The following CENPE variants were observed in gnomAD, a reference collection of about 807,000 sequenced individuals.
CENPE encodes centromere protein E, also known as centromere-associated protein E.
In CENPE, 145 loss-of-function variants were observed where a neutral mutation model predicts 336.1. That is an observed-to-expected ratio of 0.43 (90% CI 0.38 to 0.50). CENPE has a LOEUF of 0.50. Among genes scored for constraint, CENPE ranks in the 20% least tolerant of loss-of-function variants. The probability of loss-of-function intolerance (pLI) is 0.00; values close to 1 mark genes in which losing one functional copy is unlikely to be tolerated. For missense variants in CENPE, 2,719 were observed against 3,023.3 expected (o/e 0.90, Z 2.36); for synonymous variants, 1,013 against 984.8 (o/e 1.03, Z -0.54).
chr4:103,163,443 T>G, intron 17 of CENPE, 36 bp downstream of exon 17: 1 of 1,431,596 alleles, frequency 7.0e-7, no homozygotes, highest in Non-Finnish European at 9.8e-7. Context: ...ATAGTTCTAA[T>G]TGCTTATCAA....
rs759814291 is a variant in CENPE, at chr4:103,183,256, G to T, written c.778C>A (p.Arg260=). ...ACTTGTCCCAAAATAAATAAGCTTC[G>T]ATTTATATTACAGCCTTCCTTGAGC... ...VRLKEGCNIN[R]SLFILGQVIK... Residue 260 remains arginine (R), a synonymous_variant, in exon 10 of 49, where the codon CGA becomes AGA. Transcript: ENST00000265148. 1 of 1,612,606 alleles carries T rather than the reference G, an allele frequency of 6.2e-7. No homozygotes were observed. Among genetic ancestry groups the T allele is most frequent in the East Asian group, 2.2e-5 (1 of 44,748 alleles).
At chr4:103,161,697 T>C (rs552950356) in intron 18 of CENPE, among the ~76,000 whole-genome samples, 7 of 152,300 alleles carry the variant, frequency 4.6e-5, no homozygotes, top group African/African-American at 1.7e-4. Context: ...TATCATAATT[T>C]AGATCTGTTT....
At chr4:103,131,571 T>A (rs1024676553) in intron 42 of CENPE, among the ~76,000 whole-genome samples, 2 of 152,254 alleles carry the variant, frequency 1.3e-5, no homozygotes, top group Admixed American at 6.5e-5. Flanking sequence ...AAACAAACTT[T>A]TACTGTATGA....
At position 103,151,260 on chromosome 4, in the gene CENPE, A is replaced by T. The variant is rs1753528224; in HGVS notation, c.3355T>A (p.Cys1119Ser). ...IKKEGELSRT[C>S]DRLAEVEEKL... ...TCTTCAACTTCTGCCAGTCTGTCAC[A>T]GGTCCTAGAAAGCTCTCCTTCTTTC... Residue 1119 changes from cysteine to serine, a missense_variant, in exon 26 of 49, where the codon TGT becomes AGT. Around this residue, in one of 5 missense-constraint regions of CENPE, gnomAD observed 2,437 missense variants for 2,513.3 expected, o/e 0.97. Transcript: ENST00000265148. 1 of 1,603,680 alleles carries T rather than the reference A, an allele frequency of 6.2e-7. No individual in the cohort carries two copies. Among genetic ancestry groups the T allele is most frequent in the African/African-American group, 1.3e-5 (1 of 74,132 alleles).
chr4:103,146,533 A>T (rs1250308663), intron 29 of CENPE, among the ~76,000 whole-genome samples: 1 of 152,152 alleles, frequency 6.6e-6, no homozygotes, highest in African/African-American at 2.4e-5. Context: ...TAGTTAGGCA[A>T]AAAGGAGTAT....
intron 4 of CENPE, 86 bp downstream of exon 4, chr4:103,195,834 T>C (rs946919621): frequency 4.8e-6 from 4 of 826,768 alleles, no homozygotes; most frequent in African/African-American, 3.4e-5. Flanking sequence ...CTTCCTTTCA[T>C]CTTTACAAGA....
chr4:103,195,724 G>T (rs1757684007), intron 4 of CENPE, among the ~76,000 whole-genome samples, 196 bp downstream of exon 4: 1 of 152,060 alleles, frequency 6.6e-6, no homozygotes, highest in Non-Finnish European at 1.5e-5. Flanking sequence ...AAGAATAAAA[G>T]AACTTTAAGC....
intron 42 of CENPE, among the ~76,000 whole-genome samples, chr4:103,129,018 G>A (rs768442732): frequency 2.6e-5 from 4 of 152,062 alleles, no homozygotes; most frequent in Non-Finnish European, 4.4e-5. Context: ...ATCAGAAATG[G>A]ATGACAGGAC....
Position 103,148,665 on chromosome 4 carries a change from C to T in CENPE, c.3843+179G>A, listed in dbSNP as rs62327334. Among the ~76,000 whole-genome samples, 6,167 of 152,240 alleles carry T rather than the reference C, an allele frequency of 0.041. 160 individuals are homozygous for T. Among genetic ancestry groups the T allele is most frequent in the Non-Finnish European group, 0.059 (4,033 of 68,004 alleles). On this transcript the variant is annotated intron_variant, in intron 28 of 48. Transcript: ENST00000265148. ...ATCAGAGGGATTTTAGGGGTTTTGT[C>T]CACCTTGTTCTCATTGCATTTCTAT... is the stretch of plus-strand genomic sequence containing the variant.
intron 8 of CENPE, among the ~76,000 whole-genome samples, chr4:103,187,893 G>A (rs1194155680): frequency 3.3e-5 from 5 of 152,074 alleles, no homozygotes; most frequent in Non-Finnish European, 7.4e-5. Context: ...CTGTATTCAG[G>A]AAACCCATCT....
At chr4:103,110,757 G>T in intron 47 of CENPE, 71 bp downstream of exon 47, 1 of 1,190,358 alleles carries the variant, frequency 8.4e-7, no homozygotes, top group South Asian at 1.7e-5. Flanking sequence ...AAAAATACGT[G>T]CATATACCAT....
At chr4:103,183,178 A>C in intron 10 of CENPE, 23 bp downstream of exon 10, 2 of 1,541,568 alleles carry the variant, frequency 1.3e-6, no homozygotes, top group Admixed American at 3.5e-5. Context: ...TCAGTAGGTA[A>C]GTGCACAACG....
intron 20 of CENPE, 99 bp from the exon 21 acceptor site, chr4:103,160,878 G>T: frequency 8.8e-7 from 1 of 1,140,282 alleles, no homozygotes; most frequent in Non-Finnish European, 1.2e-6. Flanking sequence ...ATCAGGTAAA[G>T]TTTATTTGAA....
intron 44 of CENPE, among the ~76,000 whole-genome samples, chr4:103,117,877 C>T (rs2125857267): frequency 6.6e-6 from 1 of 152,276 alleles, no homozygotes; most frequent in African/African-American, 2.4e-5. Flanking sequence ...ATCCGCCCGC[C>T]TCAGCCTCCC....
In CENPE at chr4:103,182,663, G is replaced by A. The variant is rs1016217197; in HGVS notation, c.963+99C>T. ...AGACAACATATCGATTATAACAGGCGAGTTAATTAAAAAAAACTATGCTTA... is the reference window on the plus strand; with the variant it reads ...AGACAACATATCGATTATAACAGGCAAGTTAATTAAAAAAAACTATGCTTA... On this transcript the variant is annotated intron_variant, in intron 11 of 48. Coordinates refer to ENST00000265148, the MANE Select transcript of CENPE (RefSeq NM_001813.3). The A allele has an allele frequency of 1.5e-5, 14 of 948,056 alleles. No individual in the cohort carries two copies. The Admixed American group carries it at 1.6e-4, about 11-fold the overall frequency. 58.7% of individuals were successfully genotyped at this position (948,056 alleles called of 1,614,324 possible).
At chr4:103,149,554 C>CCACCCAAA in intron 26 of CENPE, 146 bp from the exon 27 acceptor site, 1 of 719,388 alleles carries the variant, frequency 1.4e-6, no homozygotes, top group East Asian at 2.8e-5. Flanking sequence ...TAAATGTCTG[C>CCACCCAAA]AGTGGTTTGA....
chr4:103,132,601 G>T (rs2125897097), intron 42 of CENPE, 92 bp downstream of exon 42: 2 of 542,226 alleles, frequency 3.7e-6, no homozygotes, highest in East Asian at 3.2e-5. Context: ...TACAAATAAA[G>T]AAAATATACA....
chr4:103,197,974 A>T (rs1475939506), intron 1 of CENPE, among the ~76,000 whole-genome samples: 1 of 152,208 alleles, frequency 6.6e-6, no homozygotes, highest in Non-Finnish European at 1.5e-5. Context: ...CTAGGCGGGG[A>T]ATGGGGCAGG....
Position 103,147,478 on chromosome 4 carries a change from G to C in CENPE, c.4012C>G (p.Gln1338Glu), listed in dbSNP as rs781763715. 3.7e-6 allele frequency: 6 copies of C among 1,613,910 alleles called. No homozygotes were observed. The highest frequency in any genetic ancestry group is 4.2e-6 in the Non-Finnish European group (5 of 1,180,002). Residue 1338 changes from glutamine to glutamate, a missense_variant, in exon 29 of 49, where the codon CAA becomes GAA. Physicochemically the swap from Gln to Glu is conservative, Grantham distance 29. Coordinates refer to ENST00000265148, the MANE Select transcript of CENPE (RefSeq NM_001813.3). ...MERLRLNEKF[Q>E]ESQEEIKSLT... Reference sequence around the variant, plus strand: ...GATTTTATCTCTTCCTGACTTTCTTGAAATTTTTCATTCAACCTGAGCCTT... The same window carrying C: ...GATTTTATCTCTTCCTGACTTTCTTCAAATTTTTCATTCAACCTGAGCCTT...
Sources: allele counts gnomAD v4.1 joint callset (sites outside exome capture counted in the v4.1 genomes callset), GRCh38; gene constraint gnomAD v4.1.1; regional missense constraint gnomAD v4.1.1; transcripts MANE v1.5; gene names NCBI Gene and HGNC (gene_info 2026-07-23, HGNC 2026-07-21).